The following SAMSN1 variants were observed in gnomAD, a reference collection of about 807,000 sequenced individuals.
SAMSN1 encodes the protein SAM domain, SH3 domain and nuclear localization signals 1, also known as SAM domain-containing protein SAMSN-1.
SAMSN1 carries 31 observed loss-of-function variants against 42.0 expected under a neutral mutation model. The observed-to-expected ratio is 0.74, with a 90% CI of 0.55 to 1.00. The LOEUF is 1.00. Among genes scored for constraint, SAMSN1 ranks in the 50% least tolerant of loss-of-function variants. The probability of loss-of-function intolerance (pLI) is 0.00; values close to 1 mark genes in which losing one functional copy is unlikely to be tolerated. For synonymous variants in SAMSN1, 178 were observed against 151.9 expected, an observed-to-expected ratio of 1.17 and a Z score of -1.26; for missense variants, 464 against 439.4, an observed-to-expected ratio of 1.06 and a Z score of -0.50.
intron 1 of SAMSN1, chr21:14,658,601 C>A: frequency 6.9e-6 from 4 of 581,680 alleles, no homozygotes; most frequent in Non-Finnish European, 1.2e-5. Flanking sequence ...AGCATCCTTT[C>A]TCACTGTTCT....
chr21:14,597,827 T>C (rs1425662785), intron 6 of SAMSN1: 1 of 152,206 alleles, frequency 6.6e-6, no homozygotes, highest in Non-Finnish European at 1.5e-5. Context: ...AGACAGCTGC[T>C]GACTTACCAG....
intron 1 of SAMSN1, among the ~76,000 whole-genome samples, chr21:14,527,978 G>C (rs1287928077): frequency 6.6e-6 from 1 of 151,970 alleles, no homozygotes; most frequent in Non-Finnish European, 1.5e-5. Context: ...TACTTGAAAG[G>C]AGTTCTTAAA....
At chr21:14,621,304 A>T (rs1982997644) in intron 2 of SAMSN1, among the ~76,000 whole-genome samples, 1 of 152,182 alleles carries the variant, frequency 6.6e-6, no homozygotes, top group South Asian at 2.1e-4. Flanking sequence ...CTTGTCAGAC[A>T]GTGGGTGCAG....
intron 7 of SAMSN1, among the ~76,000 whole-genome samples, chr21:14,590,347 A>G (rs1420612983): frequency 2.6e-5 from 4 of 151,980 alleles, no homozygotes. Context: ...GCATGATAAG[A>G]ACTTACTGTA....
At position 14,485,831 on chromosome 21, in the gene SAMSN1, T is replaced by A. The variant is rs1986408491; in HGVS notation, c.*81A>T. The A allele has an allele frequency of 3.8e-6, 4 of 1,043,280 alleles. No homozygotes were observed. The highest frequency in any genetic ancestry group is 5.9e-6 in the Non-Finnish European group (4 of 673,126). 64.6% of individuals were successfully genotyped at this position (1,043,280 alleles called of 1,614,324 possible). The stretch of plus-strand genomic sequence containing the variant: ...GTTTTATTTACAAATATTTATCTTA[T>A]CTTCCTCTCCTATTTGACGTTTTAG... On this transcript the variant is annotated 3_prime_UTR_variant, in exon 8 of 8. Transcript: ENST00000400566.
intron 1 of SAMSN1, among the ~76,000 whole-genome samples, chr21:14,656,353 G>T (rs465674): frequency 6.6e-6 from 1 of 151,338 alleles, no homozygotes; most frequent in Non-Finnish European, 1.5e-5. Flanking sequence ...TAAAATGAAA[G>T]GGATAGAAAT....
At chr21:14,610,646 G>C (rs1282355010) in intron 4 of SAMSN1, among the ~76,000 whole-genome samples, 1 of 152,130 alleles carries the variant, frequency 6.6e-6, no homozygotes, top group Admixed American at 6.5e-5. Context: ...CAGATACCCA[G>C]CTTTAAAATT....
intron 6 of SAMSN1, among the ~76,000 whole-genome samples, chr21:14,597,302 C>A (rs1360366620): frequency 6.6e-6 from 1 of 152,054 alleles, no homozygotes; most frequent in Non-Finnish European, 1.5e-5. Context: ...AAAAATTGGT[C>A]CCATTTTGTC....
chr21:14,500,672 T>C lies in SAMSN1; in HGVS notation c.625A>G (p.Asn209Asp). 6.2e-7 allele frequency: 1 copy of C among 1,614,184 alleles called. No individual in the cohort carries two copies. The highest frequency in any genetic ancestry group is 8.5e-7 in the Non-Finnish European group (1 of 1,179,998). ...PMGMWTGMLN[N>D]KVGNFKFIYV... ...ATGAATTTGAAGTTTCCCACTTTAT[T>C]GTTCAACATTCCTGTCCACATCCCC... The change falls in exon 6 of 8, where the codon AAT becomes GAT. Residue 209 changes from asparagine (N) to aspartate (D), a missense_variant. Transcript: ENST00000400566.
At chr21:14,572,363 A>C (rs1432095968) in intron 2 of SAMSN1, among the ~76,000 whole-genome samples, 1 of 152,208 alleles carries the variant, frequency 6.6e-6, no homozygotes, top group Non-Finnish European at 1.5e-5. Context: ...TTACACAGAC[A>C]GTAAATGGTG....
At chr21:14,494,367 A>T (rs1371874601) in intron 7 of SAMSN1, among the ~76,000 whole-genome samples, 8 of 152,218 alleles carry the variant, frequency 5.3e-5, no homozygotes, top group African/African-American at 1.7e-4. Context: ...ACACCATGGA[A>T]TACTACGCAG....
intron 2 of SAMSN1, among the ~76,000 whole-genome samples, chr21:14,519,488 C>T (rs73344187): frequency 0.038 from 5,759 of 151,946 alleles, 347 homozygotes; most frequent in African/African-American, 0.13. Context: ...GTTTCTCTCT[C>T]TCTCCATATA....
In SAMSN1 at chr21:14,485,886, G is replaced by T; in HGVS notation, c.*26C>A. On this transcript the variant is annotated 3_prime_UTR_variant, in exon 8 of 8. Transcript: ENST00000400566. Reference sequence around the variant, plus strand: ...AGAAGAGTTAAAATGGAATGCATCTGTAGATATATAGTTGGGAATGCGTGT... The same window carrying T: ...AGAAGAGTTAAAATGGAATGCATCTTTAGATATATAGTTGGGAATGCGTGT... The T allele has an allele frequency of 6.4e-7, 1 of 1,565,382 alleles. No individual in the cohort carries two copies.
chr21:14,653,188 T>C (rs942825444), intron 1 of SAMSN1, among the ~76,000 whole-genome samples: 2 of 152,010 alleles, frequency 1.3e-5, no homozygotes, highest in Non-Finnish European at 2.9e-5. Context: ...CTGCTGGGTA[T>C]ATACTTCCCA....
chr21:14,625,000 C>T (rs1395712915), intron 2 of SAMSN1, among the ~76,000 whole-genome samples: 2 of 152,064 alleles, frequency 1.3e-5, no homozygotes, highest in Non-Finnish European at 2.9e-5. Context: ...CATAATCCAG[C>T]ATATAAACAG....
intron 1 of SAMSN1, among the ~76,000 whole-genome samples, chr21:14,541,323 T>TA (rs34794481): frequency 0.013 from 1,823 of 145,292 alleles, 39 homozygotes; most frequent in African/African-American, 0.041. Context: ...CAAAATCCTG[T>TA]AAAAAAAAAA....
intron 6 of SAMSN1, among the ~76,000 whole-genome samples, chr21:14,597,288 C>T (rs1982297151): frequency 6.6e-6 from 1 of 152,104 alleles, no homozygotes; most frequent in Non-Finnish European, 1.5e-5. Context: ...CAGTTAAGCT[C>T]ATGAAAAATT....
At chr21:14,498,290 AT>A in intron 7 of SAMSN1, 151 bp downstream of exon 7, 1 of 630,452 alleles carries the variant, frequency 1.6e-6, no homozygotes, top group Non-Finnish European at 2.6e-6. Context: ...GACCAGAGTT[AT>A]TGTTTTCAAA....
At chr21:14,590,074 C>T (rs886621214) in intron 7 of SAMSN1, among the ~76,000 whole-genome samples, 5 of 152,180 alleles carry the variant, frequency 3.3e-5, no homozygotes, top group Non-Finnish European at 7.3e-5. Flanking sequence ...ATTATTAAAA[C>T]TGTGCCAGTG....
Sources: allele counts gnomAD v4.1 joint callset (sites outside exome capture counted in the v4.1 genomes callset), GRCh38; gene constraint gnomAD v4.1.1; transcripts MANE v1.5; gene names NCBI Gene and HGNC (gene_info 2026-07-23, HGNC 2026-07-21).